The following LRRC4C variants were observed in gnomAD, a reference collection of about 807,000 sequenced individuals.
LRRC4C encodes leucine rich repeat containing 4C, also known as leucine-rich repeat-containing protein 4C.
In LRRC4C, 5 loss-of-function variants were observed where a neutral mutation model predicts 33.6. The ratio of observed to expected loss-of-function variants is 0.15; its 90% CI spans 0.08 to 0.31. The LOEUF is 0.31. LRRC4C is among the 10% of genes least tolerant of loss of function. The pLI is 1.00. For missense variants in LRRC4C, 560 were observed against 796.7 expected, an observed-to-expected ratio of 0.70 and a Z score of 3.58; for synonymous variants, 329 against 302.0, an observed-to-expected ratio of 1.09 and a Z score of -0.93.
At chr11:40,277,630 A>C (rs1049898439) in intron 4 of LRRC4C, among the ~76,000 whole-genome samples, 3 of 152,076 alleles carry the variant, frequency 2.0e-5, no homozygotes, top group Non-Finnish European at 4.4e-5. Flanking sequence ...GCATAGTATA[A>C]AACCACTGGC....
At chr11:41,225,341 G>A (rs1035635307) in intron 1 of LRRC4C, among the ~76,000 whole-genome samples, 5 of 152,004 alleles carry the variant, frequency 3.3e-5, no homozygotes, top group African/African-American at 1.2e-4. Context: ...TTGAGAAGGT[G>A]GATACCCCAT....
chr11:41,089,263 T>A (rs1279650275), intron 1 of LRRC4C, among the ~76,000 whole-genome samples: 4 of 152,002 alleles, frequency 2.6e-5, no homozygotes, highest in Non-Finnish European at 4.4e-5. Flanking sequence ...AATTATGGAT[T>A]TGAAAACAAG....
chr11:41,393,971 TG>T (rs1953706326), intron 1 of LRRC4C, among the ~76,000 whole-genome samples: 1 of 151,956 alleles, frequency 6.6e-6, no homozygotes, highest in South Asian at 2.1e-4. Context: ...AAGTAGTTCT[TG>T]TAAGTCTAGA....
intron 3 of LRRC4C, among the ~76,000 whole-genome samples, chr11:40,628,576 A>C (rs1326170665): frequency 6.6e-6 from 1 of 152,162 alleles, no homozygotes; most frequent in Non-Finnish European, 1.5e-5. Context: ...ATTTTTTTCT[A>C]ATATGCAGTA....
intron 1 of LRRC4C, among the ~76,000 whole-genome samples, chr11:41,000,905 T>C (rs973669047): frequency 4.6e-5 from 7 of 152,070 alleles, no homozygotes; most frequent in Admixed American, 1.3e-4. Flanking sequence ...TTTGAAAAAA[T>C]AGTATATTGG....
intron 1 of LRRC4C, among the ~76,000 whole-genome samples, chr11:41,165,640 C>A (rs966612775): frequency 1.3e-5 from 2 of 152,092 alleles, no homozygotes; most frequent in South Asian, 4.2e-4. Context: ...AAAATTTCTA[C>A]AGAAGCTAAA....
chr11:41,158,688 C>G (rs570892713), intron 1 of LRRC4C, among the ~76,000 whole-genome samples: 3 of 152,086 alleles, frequency 2.0e-5, no homozygotes, highest in African/African-American at 7.2e-5. Flanking sequence ...TGCTTTCATA[C>G]ACTCTCAAAG....
intron 1 of LRRC4C, among the ~76,000 whole-genome samples, chr11:41,291,675 C>T (rs1949997443): frequency 6.6e-6 from 1 of 152,042 alleles, no homozygotes; most frequent in South Asian, 2.1e-4. Context: ...CCCTACTCTT[C>T]CAAAATGGCA....
At chr11:40,252,783 A>G (rs1866890720) in intron 4 of LRRC4C, among the ~76,000 whole-genome samples, 1 of 152,196 alleles carries the variant, frequency 6.6e-6, no homozygotes, top group Admixed American at 6.6e-5. Flanking sequence ...CCAAAGATTT[A>G]TGTAATCCAT....
rs368452298 is a variant in LRRC4C, at chr11:40,115,764, G to T, written c.529C>A (p.Leu177Ile). Residue 177 changes from leucine to isoleucine, a missense_variant, in exon 7 of 7, where the codon CTA becomes ATA. Transcript: ENST00000528697. The surrounding 1 kb of genome is among the most constrained non-coding windows in gnomAD (Gnocchi z 6.7). The part of the protein sequence containing the change: ...AFNRIPSLRR[L>I]DLGELKRLSY... Reference sequence around the variant, plus strand: ...AGTCTTTTCAATTCCCCTAAGTCTAGTCGGCGCAAAGAAGGAATTCTGTTA... The same window carrying T: ...AGTCTTTTCAATTCCCCTAAGTCTATTCGGCGCAAAGAAGGAATTCTGTTA... 1.2e-6 allele frequency: 2 copies of T among 1,614,170 alleles called. No homozygotes were observed. The highest frequency in any genetic ancestry group is 4.5e-5 in the East Asian group (2 of 44,874).
chr11:41,175,525 A>G (rs904236828), intron 1 of LRRC4C, among the ~76,000 whole-genome samples: 4 of 152,074 alleles, frequency 2.6e-5, no homozygotes, highest in African/African-American at 9.7e-5. Context: ...GGAGGAATGT[A>G]ATAGTGGCTT....
At chr11:41,042,523 A>G (rs1477736925) in intron 1 of LRRC4C, among the ~76,000 whole-genome samples, 2 of 152,142 alleles carry the variant, frequency 1.3e-5, no homozygotes, top group Admixed American at 1.3e-4. Context: ...GCATAATTCA[A>G]TGTCTAATGC....
chr11:40,183,235 G>C (rs541634259), intron 5 of LRRC4C, among the ~76,000 whole-genome samples: 1 of 151,862 alleles, frequency 6.6e-6, no homozygotes, highest in African/African-American at 2.4e-5. Flanking sequence ...CCATTCATTC[G>C]ATTGCAATGG....
At chr11:40,859,490 T>C (rs1484457469) in intron 2 of LRRC4C, among the ~76,000 whole-genome samples, 3 of 152,218 alleles carry the variant, frequency 2.0e-5, no homozygotes, top group African/African-American at 7.2e-5. Context: ...AATTGAAATA[T>C]ATACTCTTTG....
intron 1 of LRRC4C, among the ~76,000 whole-genome samples, chr11:41,200,110 A>G (rs1946345248): frequency 6.6e-6 from 1 of 152,036 alleles, no homozygotes; most frequent in Non-Finnish European, 1.5e-5. Context: ...CACTTCTGAA[A>G]TGAGTTAACT....
At chr11:40,600,464 T>C (rs1205356513) in intron 3 of LRRC4C, among the ~76,000 whole-genome samples, 2 of 152,190 alleles carry the variant, frequency 1.3e-5, no homozygotes, top group East Asian at 1.9e-4. Context: ...GGTTTTTCAA[T>C]AGGACACTGC....
intron 4 of LRRC4C, among the ~76,000 whole-genome samples, chr11:40,275,019 G>A (rs1040201954): frequency 5.9e-5 from 9 of 152,078 alleles, no homozygotes; most frequent in Non-Finnish European, 1.3e-4. Context: ...TCACACACTT[G>A]TGCAATTATA....
intron 2 of LRRC4C, among the ~76,000 whole-genome samples, chr11:40,708,473 C>T (rs1022376151): frequency 5.9e-5 from 9 of 152,102 alleles, no homozygotes; most frequent in African/African-American, 2.2e-4. Flanking sequence ...GTTAGGTACC[C>T]AGTAGTCATT....
intron 4 of LRRC4C, among the ~76,000 whole-genome samples, chr11:40,273,228 G>C (rs577921953): frequency 6.6e-6 from 1 of 152,096 alleles, no homozygotes; most frequent in African/African-American, 2.4e-5. Flanking sequence ...TAGAGTTATG[G>C]GGGAAGATAG....
Sources: allele counts gnomAD v4.1 joint callset (sites outside exome capture counted in the v4.1 genomes callset), GRCh38; gene constraint gnomAD v4.1.1; non-coding constraint Gnocchi (gnomAD v3.1); transcripts MANE v1.5; gene names NCBI Gene and HGNC (gene_info 2026-07-23, HGNC 2026-07-21).